Variants in ZNF695 observed in about 807,000 individuals in gnomAD.
ZNF695 encodes zinc finger protein 695.
ZNF695 carries 11 observed loss-of-function variants against 11.2 expected under a neutral mutation model. The observed-to-expected ratio is 0.98, with a 90% CI of 0.62 to 1.62. The LOEUF (loss-of-function observed/expected upper bound fraction) is 1.62. ZNF695 is among the 40% of genes most tolerant of loss of function. The pLI, the probability that ZNF695 is intolerant of heterozygous loss-of-function variation, is 0.00. For missense variants in ZNF695, 559 were observed against 590.5 expected (o/e 0.95, Z 0.55); for synonymous variants, 190 against 201.4 (o/e 0.94, Z 0.48).
intron 5 of ZNF695, among the ~76,000 whole-genome samples, chr1:246,949,660 A>G (rs1224557558): frequency 1.3e-5 from 2 of 151,732 alleles, no homozygotes; most frequent in Non-Finnish European, 2.9e-5. Context: ...ACTGAGCTGC[A>G]TGTTCTTATT....
At chr1:247,002,676 G>C (rs1323268127) in intron 1 of ZNF695, among the ~76,000 whole-genome samples, 1 of 152,082 alleles carries the variant, frequency 6.6e-6, no homozygotes, top group Non-Finnish European at 1.5e-5. Context: ...ATCCCAGCTT[G>C]GGAAGCTGAA....
chr1:246,965,184 C>T (rs761403156), intron 5 of ZNF695, among the ~76,000 whole-genome samples: 18 of 151,734 alleles, frequency 1.2e-4, no homozygotes, highest in Non-Finnish European at 2.2e-4. Flanking sequence ...TGGCTAACCC[C>T]GTCTCTACTA....
intron 3 of ZNF695, among the ~76,000 whole-genome samples, chr1:246,989,700 A>T (rs1179601547): frequency 6.6e-6 from 1 of 152,130 alleles, no homozygotes; most frequent in African/African-American, 2.4e-5. Context: ...AAAACACAAG[A>T]CCCACTGACC....
At chr1:246,988,317 G>A (rs1668918154) in intron 3 of ZNF695, 62 bp from the exon 4 acceptor site, 2 of 1,285,676 alleles carry the variant, frequency 1.6e-6, no homozygotes, top group Non-Finnish European at 2.1e-6. Context: ...ACAAATCTAA[G>A]GCATAAAATT....
intron 3 of ZNF695, among the ~76,000 whole-genome samples, chr1:246,989,374 T>C (rs1253118803): frequency 1.3e-5 from 2 of 152,202 alleles, no homozygotes; most frequent in African/African-American, 4.8e-5. Context: ...AGTACTAAGC[T>C]AAGGCGTAGA....
chr1:246,959,574 G>A (rs1048051432), intron 5 of ZNF695, among the ~76,000 whole-genome samples: 4 of 149,208 alleles, frequency 2.7e-5, no homozygotes, highest in African/African-American at 9.9e-5. Context: ...CTACAGGCGA[G>A]CGCCACCATA....
intron 4 of ZNF695, among the ~76,000 whole-genome samples, chr1:246,973,276 C>T (rs1668475407): frequency 6.6e-6 from 1 of 152,026 alleles, no homozygotes; most frequent in Admixed American, 6.6e-5. Context: ...CTCGAACTCC[C>T]GACCTCAGGT....
At chr1:247,005,429 T>C (rs1669503216) in intron 1 of ZNF695, among the ~76,000 whole-genome samples, 2 of 152,148 alleles carry the variant, frequency 1.3e-5, no homozygotes. Flanking sequence ...TGGTGGCTCA[T>C]GCATGTAATC....
chr1:246,960,079 G>A (rs922306202), intron 5 of ZNF695, among the ~76,000 whole-genome samples: 1 of 152,134 alleles, frequency 6.6e-6, no homozygotes, highest in Non-Finnish European at 1.5e-5. Context: ...CAATCTCATT[G>A]AAAAACCCAG....
chr1:246,984,304 G>A, downstream of ZNF695, among the ~76,000 whole-genome samples: 1 of 149,740 alleles, frequency 6.7e-6, no homozygotes. Flanking sequence ...AAAAAAAGGA[G>A]GAGAGCTGGA....
At chr1:246,948,216 G>T (rs1264748121) in intron 5 of ZNF695, among the ~76,000 whole-genome samples, 1 of 152,104 alleles carries the variant, frequency 6.6e-6, no homozygotes, top group African/African-American at 2.4e-5. Context: ...TGGGATTACA[G>T]GCACTCACCA....
intron 1 of ZNF695, among the ~76,000 whole-genome samples, chr1:247,006,057 C>T (rs986838906): frequency 6.6e-6 from 1 of 151,218 alleles, no homozygotes; most frequent in African/African-American, 2.4e-5. Flanking sequence ...AACCCTGTCT[C>T]TACAAAAAAT....
chr1:246,988,982 T>C (rs1668941286), intron 3 of ZNF695, among the ~76,000 whole-genome samples: 1 of 151,716 alleles, frequency 6.6e-6, no homozygotes, highest in Non-Finnish European at 1.5e-5. Context: ...TAGTCCCACC[T>C]ACTCAGGAGG....
chr1:247,002,934 T>G lies in ZNF695; in HGVS notation c.4-2860A>C, dbSNP rs563561114. Among the ~76,000 whole-genome samples, 3 of 152,234 alleles carry G rather than the reference T, an allele frequency of 2.0e-5. No homozygotes were observed. The East Asian group carries it at 5.8e-4, about 29-fold the overall frequency. ...CCACAATGATGCTCTATTACACCAT[T>G]CAAAATGGTTATAATTAGAAAGTCA... On this transcript the variant is annotated intron_variant, in intron 1 of 3. Transcript: ENST00000339986.
At chr1:246,953,217 C>T (rs897461683) in intron 5 of ZNF695, among the ~76,000 whole-genome samples, 2 of 152,132 alleles carry the variant, frequency 1.3e-5, no homozygotes, top group African/African-American at 4.8e-5. Flanking sequence ...CATGACATTC[C>T]TAGCTATTGT....
At chr1:246,959,310 A>AAAAAAAATATAT (rs1558304450) in intron 5 of ZNF695, among the ~76,000 whole-genome samples, 2 of 51,252 alleles carry the variant, frequency 3.9e-5, no homozygotes, top group African/African-American at 8.8e-5. Context: ...AAAAAAAAAA[A>AAAAAAAATATAT]ATATATATAT....
chr1:246,958,216 G>A (rs749069288), intron 5 of ZNF695, among the ~76,000 whole-genome samples: 13 of 151,774 alleles, frequency 8.6e-5, no homozygotes, highest in Admixed American at 1.3e-4. Context: ...ACACCACCAC[G>A]CCCGGCTAAT....
intron 4 of ZNF695, among the ~76,000 whole-genome samples, chr1:246,977,959 T>C (rs146919339): frequency 1.4e-3 from 211 of 152,174 alleles, no homozygotes; most frequent in African/African-American, 5.1e-3. Context: ...AGGAGAAAAA[T>C]GTGAAGCTAA....
At chr1:246,962,029 T>G (rs919692673) in intron 5 of ZNF695, among the ~76,000 whole-genome samples, 1 of 152,208 alleles carries the variant, frequency 6.6e-6, no homozygotes, top group Non-Finnish European at 1.5e-5. Flanking sequence ...CTTAGAGAAA[T>G]CTGAACTTCT....
Sources: allele counts gnomAD v4.1 joint callset (sites outside exome capture counted in the v4.1 genomes callset), GRCh38; gene constraint gnomAD v4.1.1; transcripts MANE v1.5; gene names NCBI Gene and HGNC (gene_info 2026-07-23, HGNC 2026-07-21).